Variants in THSD7B observed in about 807,000 individuals in gnomAD.
THSD7B encodes thrombospondin type-1 domain-containing protein 7B.
THSD7B carries 138 observed loss-of-function variants against 213.6 expected under a neutral mutation model. The ratio of observed to expected loss-of-function variants is 0.65; its 90% CI spans 0.56 to 0.74. THSD7B has a LOEUF of 0.74. Among genes scored for constraint, THSD7B ranks in the 30% least tolerant of loss-of-function variants. The probability of loss-of-function intolerance (pLI) is 0.00; values close to 1 mark genes in which losing one functional copy is unlikely to be tolerated. For missense variants in THSD7B, 1,931 were observed against 1,991.5 expected (o/e 0.97, Z 0.58); for synonymous variants, 742 against 687.0 (o/e 1.08, Z -1.25).
At chr2:137,661,795 A>C (rs1293038557) in intron 25 of THSD7B, among the ~76,000 whole-genome samples, 1 of 152,054 alleles carries the variant, frequency 6.6e-6, no homozygotes, top group South Asian at 2.1e-4. Context: ...TTCTTCCCTT[A>C]GGGTGCGCCA....
intron 15 of THSD7B, among the ~76,000 whole-genome samples, chr2:137,509,308 T>G (rs1281378225): frequency 1.3e-5 from 2 of 150,832 alleles, no homozygotes; most frequent in African/African-American, 4.9e-5. Context: ...CCTTCTTTCC[T>G]CTCTCTTTCT....
chr2:137,265,663 A>G lies in THSD7B; in HGVS notation c.2267-6870A>G, dbSNP rs528251118. 3.3e-5 allele frequency among the ~76,000 whole-genome samples: 5 copies of G among 152,352 alleles called. No individual in the cohort carries two copies. In the East Asian group the frequency reaches 7.7e-4, roughly 23 times the overall value. On this transcript the variant is annotated intron_variant, in intron 10 of 27. Coordinates refer to ENST00000409968, the MANE Select transcript of THSD7B (RefSeq NM_001316349.2). ...CTGTTGAGTAGATAATTTTAAGAAT[A>G]GCAGTGCAGTCCGTCTACCTTTTCC...
rs564526832 is a variant in THSD7B, at chr2:136,967,109, C to T, written c.139+84792C>T. Among the ~76,000 whole-genome samples, 4 of 152,256 alleles carry T rather than the reference C, an allele frequency of 2.6e-5. No homozygotes were observed. The South Asian group carries it at 8.3e-4, about 32-fold the overall frequency. On this transcript the variant is annotated intron_variant, in intron 2 of 27. Coordinates refer to ENST00000409968, the MANE Select transcript of THSD7B (RefSeq NM_001316349.2). ...CCTCTACCGTGCTCAGCATGGTATC[C>T]TGCAGGTGGGAGGTACTGAAAAAAG...
chr2:137,486,229 G>A (rs914360436), intron 15 of THSD7B, among the ~76,000 whole-genome samples: 6 of 152,042 alleles, frequency 3.9e-5, no homozygotes, highest in Non-Finnish European at 8.8e-5. Context: ...AGACCCATCA[G>A]TGTACTGTAT....
chr2:136,784,585 G>A (rs990927817), intron 1 of THSD7B, among the ~76,000 whole-genome samples: 2 of 151,764 alleles, frequency 1.3e-5, no homozygotes, highest in African/African-American at 4.9e-5. Context: ...AAAATAAAAT[G>A]AAATTCAATT....
intron 6 of THSD7B, among the ~76,000 whole-genome samples, chr2:137,169,284 A>AG (rs35875776): frequency 0.059 from 8,060 of 136,472 alleles, 223 homozygotes; most frequent in Admixed American, 0.079. Flanking sequence ...GCTTTATTTG[A>AG]GGTTTTTTTT....
chr2:137,674,052 A>T (rs1196705813), intron 27 of THSD7B, among the ~76,000 whole-genome samples: 1 of 152,162 alleles, frequency 6.6e-6, no homozygotes, highest in Non-Finnish European at 1.5e-5. Flanking sequence ...TTTGAATAGA[A>T]TATTCCAAGC....
intron 15 of THSD7B, among the ~76,000 whole-genome samples, chr2:137,474,241 A>G (rs556979865): frequency 6.6e-6 from 1 of 152,284 alleles, no homozygotes; most frequent in Non-Finnish European, 1.5e-5. Flanking sequence ...TAGTTTTTCC[A>G]GAAATTTACT....
At chr2:136,900,695 C>A (rs1483899640) in intron 2 of THSD7B, among the ~76,000 whole-genome samples, 1 of 152,168 alleles carries the variant, frequency 6.6e-6, no homozygotes, top group Non-Finnish European at 1.5e-5. Context: ...CTTTCATTTT[C>A]ATGCATTATG....
At chr2:137,048,733 T>A (rs77050563) in intron 2 of THSD7B, among the ~76,000 whole-genome samples, 306 of 152,358 alleles carry the variant, frequency 2.0e-3, no homozygotes, top group African/African-American at 7.2e-3. Flanking sequence ...AAGTTCAGCA[T>A]GTATTGATCA....
chr2:136,979,969 G>A (rs1381114252), intron 2 of THSD7B, among the ~76,000 whole-genome samples: 2 of 151,980 alleles, frequency 1.3e-5, no homozygotes, highest in Admixed American at 6.6e-5. Flanking sequence ...TTTTGTTGAT[G>A]TTGTTGTTGC....
At chr2:137,191,613 C>T (rs1260647294) in intron 7 of THSD7B, among the ~76,000 whole-genome samples, 1 of 152,022 alleles carries the variant, frequency 6.6e-6, no homozygotes, top group East Asian at 1.9e-4. Context: ...ATTCCATCAA[C>T]CTGGAGCATA....
At position 137,098,530 on chromosome 2, in the gene THSD7B, A is replaced by C. The variant is rs144218183; in HGVS notation, c.1199+3409A>C. Among the ~76,000 whole-genome samples the C allele has an allele frequency of 1.2e-4, 18 of 152,322 alleles. No homozygotes were observed. In the East Asian group the frequency reaches 3.5e-3, roughly 29 times the overall value. On this transcript the variant is annotated intron_variant, in intron 4 of 27. Transcript: ENST00000409968. ...CTCTGGAATGCTGTGATGAGGGGTC[A>C]GCACAGGTGATGAAATTAAACAATG...
At chr2:136,962,368 A>T (rs2105086498) in intron 2 of THSD7B, among the ~76,000 whole-genome samples, 1 of 150,098 alleles carries the variant, frequency 6.7e-6, no homozygotes, top group Middle Eastern at 3.5e-3. Flanking sequence ...TACAGAGGCA[A>T]TAGGAAAGTA....
chr2:137,156,081 G>C (rs1679903996), intron 5 of THSD7B: 1 of 152,170 alleles, frequency 6.6e-6, no homozygotes, highest in African/African-American at 2.4e-5. Flanking sequence ...AACTAAATCA[G>C]CTCTGAAGCT....
At chr2:137,312,341 T>C (rs907821023) in intron 12 of THSD7B, among the ~76,000 whole-genome samples, 4 of 151,926 alleles carry the variant, frequency 2.6e-5, no homozygotes, top group East Asian at 3.9e-4. Context: ...TTCTGTGGGA[T>C]CGGTGGTGAT....
At chr2:136,821,354 T>C (rs1682560775) in intron 1 of THSD7B, among the ~76,000 whole-genome samples, 1 of 152,170 alleles carries the variant, frequency 6.6e-6, no homozygotes, top group Admixed American at 6.5e-5. Flanking sequence ...TATTCATTTA[T>C]AATTAGTTTG....
At chr2:137,298,375 CAG>C (rs1241461401) in intron 12 of THSD7B, among the ~76,000 whole-genome samples, 2 of 152,066 alleles carry the variant, frequency 1.3e-5, no homozygotes, top group Non-Finnish European at 2.9e-5. Context: ...AAAAGAGAAA[CAG>C]AGCATGAAAG....
chr2:137,441,039 C>T (rs1335579122), intron 14 of THSD7B, among the ~76,000 whole-genome samples: 2 of 152,052 alleles, frequency 1.3e-5, no homozygotes, highest in Non-Finnish European at 2.9e-5. Flanking sequence ...GTAGTTGTTT[C>T]TATTTAGATA....
Sources: allele counts gnomAD v4.1 joint callset (sites outside exome capture counted in the v4.1 genomes callset), GRCh38; gene constraint gnomAD v4.1.1; transcripts MANE v1.5; gene names NCBI Gene and HGNC (gene_info 2026-07-23, HGNC 2026-07-21).